DERA: variants seen among roughly 807,000 people sequenced by gnomAD.
DERA encodes 2-deoxy-D-ribose 5-phosphate aldolase.
In DERA, 15 loss-of-function variants were observed where a neutral mutation model predicts 41.1. The observed-to-expected ratio is 0.37, with a 90% CI of 0.24 to 0.56. The LOEUF (loss-of-function observed/expected upper bound fraction) is 0.56, where lower values mean the gene tolerates loss of function less well. Among genes scored for constraint, DERA ranks in the 20% least tolerant of loss-of-function variants. The pLI, the probability that DERA is intolerant of heterozygous loss-of-function variation, is 0.81. For synonymous variants in DERA, 139 were observed against 137.4 expected, an observed-to-expected ratio of 1.01 and a Z score of -0.08; for missense variants, 396 against 403.4, an observed-to-expected ratio of 0.98 and a Z score of 0.16.
Position 16,001,952 on chromosome 12 carries a change from AC to A in DERA, c.637+19518del. On this transcript the variant is annotated intron_variant, in intron 6 of 8. Transcript: ENST00000428559. The surrounding 1 kb of genome is among the most constrained non-coding windows in gnomAD (Gnocchi z 4.1). ...ATCAAGTAAAGTTAGGATAATGATT[AC>A]CAGGCACTTTGTAACAGCAAGGTTA... Among the ~76,000 whole-genome samples the A allele has an allele frequency of 6.6e-6, 1 of 152,224 alleles. No individual in the cohort carries two copies. The highest frequency in any genetic ancestry group is 1.9e-4 in the East Asian group (1 of 5,200).
intron 1 of DERA, chr12:15,956,462 AG>A (rs1420771085): frequency 3.7e-5 from 10 of 266,900 alleles, no homozygotes; most frequent in African/African-American, 2.2e-4. Flanking sequence ...AGCATGCAGT[AG>A]GTATTAATCT....
In DERA at chr12:15,966,018, T is replaced by G. The variant is rs7956583; in HGVS notation, c.508+3071T>G. ...TTTCTTAGCCATTTATGAAAGAACCTACATGCTGGCTTTCCTTTTCCTTCA... is the reference window on the plus strand; with the variant it reads ...TTTCTTAGCCATTTATGAAAGAACCGACATGCTGGCTTTCCTTTTCCTTCA... On this transcript the variant is annotated intron_variant, in intron 5 of 8. Transcript: ENST00000428559. This position sits in a 1 kb window ranked among gnomAD's most constrained non-coding sequence, Gnocchi z 5.1. Among the ~76,000 whole-genome samples the G allele has an allele frequency of 6.6e-6, 1 of 152,210 alleles. No homozygotes were observed. Among genetic ancestry groups the G allele is most frequent in the East Asian group, 1.9e-4 (1 of 5,192 alleles).
chr12:15,968,493 T>A (rs1948638926), intron 5 of DERA, among the ~76,000 whole-genome samples: 1 of 152,150 alleles, frequency 6.6e-6, no homozygotes, highest in Non-Finnish European at 1.5e-5. Context: ...CACCCAGTCA[T>A]TGCTGGTGTC....
intron 6 of DERA, among the ~76,000 whole-genome samples, chr12:16,031,137 G>A (rs1268515736): frequency 6.6e-6 from 1 of 152,198 alleles, no homozygotes; most frequent in Non-Finnish European, 1.5e-5. Context: ...GGAATGTAAG[G>A]GGATGGAATT....
At position 15,977,947 on chromosome 12, in the gene DERA, T is replaced by C. The variant is rs190023792; in HGVS notation, c.509-4361T>C. Among the ~76,000 whole-genome samples the C allele has an allele frequency of 2.6e-3, 391 of 152,348 alleles. 3 individuals are homozygous for C. Among genetic ancestry groups the C allele is most frequent in the African/African-American group, 8.3e-3 (347 of 41,586 alleles). ...TTGGAAAGGGCATCTGTTGAACTTA[T>C]TGCTTCACTTGTAATTTCCTCTGTG... On this transcript the variant is annotated intron_variant, in intron 5 of 8. Transcript: ENST00000428559.
At chr12:15,950,007 C>T (rs1213668478) in intron 1 of DERA, among the ~76,000 whole-genome samples, 1 of 152,186 alleles carries the variant, frequency 6.6e-6, no homozygotes, top group African/African-American at 2.4e-5. Flanking sequence ...CTACTTTCCC[C>T]TGATTACACT....
rs1949014325 is a variant in DERA at position 16,021,044 on chromosome 12, A to T, written c.638-11498A>T. On this transcript the variant is annotated intron_variant, in intron 6 of 8. Coordinates refer to ENST00000428559, the MANE Select transcript of DERA (RefSeq NM_015954.4). The surrounding 1 kb of genome is among the most constrained non-coding windows in gnomAD (Gnocchi z 5.3). Reference sequence around the variant, plus strand: ...AATTTGCAGCCTTTCCCTGTGGTAGAGAAGGAATTCAAGCAGGCTGTGGAG... The same window carrying T: ...AATTTGCAGCCTTTCCCTGTGGTAGTGAAGGAATTCAAGCAGGCTGTGGAG... Among the ~76,000 whole-genome samples, 1 of 152,242 alleles carries T rather than the reference A, an allele frequency of 6.6e-6. No individual in the cohort carries two copies. The highest frequency in any genetic ancestry group is 6.5e-5 in the Admixed American group (1 of 15,290).
Position 15,921,449 on chromosome 12 carries a change from AC to A in DERA, c.31+10036del, listed in dbSNP as rs1948243863. On this transcript the variant is annotated intron_variant, in intron 1 of 8. Coordinates refer to ENST00000428559, the MANE Select transcript of DERA (RefSeq NM_015954.4). The surrounding 1 kb of genome is among the most constrained non-coding windows in gnomAD (Gnocchi z 5.3). ...TCCGTTAATTTTCTGGTAGAAAAAA[AC>A]ATATTCATGTTTCCTTGAGATTATG... 6.6e-6 allele frequency among the ~76,000 whole-genome samples: 1 copy of A among 152,222 alleles called. No individual in the cohort carries two copies. Among genetic ancestry groups the A allele is most frequent in the African/African-American group, 2.4e-5 (1 of 41,448 alleles).
rs937510184 is a variant in DERA at position 15,940,454 on chromosome 12, C to T, written c.32-16482C>T. Reference sequence around the variant, plus strand: ...GCAACCTCCACCTCCCGGGTTCAAACGATTCTTCTGCCTCAGCCTCTCGAG... The same window carrying T: ...GCAACCTCCACCTCCCGGGTTCAAATGATTCTTCTGCCTCAGCCTCTCGAG... On this transcript the variant is annotated intron_variant, in intron 1 of 8. Coordinates refer to ENST00000428559, the MANE Select transcript of DERA (RefSeq NM_015954.4). The surrounding 1 kb of genome is among the most constrained non-coding windows in gnomAD (Gnocchi z 5.1). Among the ~76,000 whole-genome samples the T allele has an allele frequency of 5.0e-4, 76 of 152,194 alleles. No individual in the cohort carries two copies. Among genetic ancestry groups the T allele is most frequent in the African/African-American group, 1.7e-3 (70 of 41,518 alleles).
rs1948217672 is a variant in DERA at position 15,918,514 on chromosome 12, G to A, written c.31+7100G>A. Among the ~76,000 whole-genome samples the A allele has an allele frequency of 6.6e-6, 1 of 152,134 alleles. No individual in the cohort carries two copies. Among genetic ancestry groups the A allele is most frequent in the South Asian group, 2.1e-4 (1 of 4,826 alleles). ...TCAGTGCCCCACCCCAACGGTTTAGGACAATCGTTTGGGAAGGGGAAGGGG... is the reference window on the plus strand; with the variant it reads ...TCAGTGCCCCACCCCAACGGTTTAGAACAATCGTTTGGGAAGGGGAAGGGG... On this transcript the variant is annotated intron_variant, in intron 1 of 8. Transcript: ENST00000428559. This position sits in a 1 kb window ranked among gnomAD's most constrained non-coding sequence, Gnocchi z 4.3.
In DERA at chr12:15,957,282, A is replaced by T. The variant is rs748027054; in HGVS notation, c.129+249A>T. ...AAATGAATTTGAGGCATCTTTATTC[A>T]TGAGTGAATTAAATGGCATATTTTC... On this transcript the variant is annotated intron_variant, in intron 2 of 8. Coordinates refer to ENST00000428559, the MANE Select transcript of DERA (RefSeq NM_015954.4). The surrounding 1 kb of genome is among the most constrained non-coding windows in gnomAD (Gnocchi z 4.8). 5.3e-5 allele frequency among the ~76,000 whole-genome samples: 8 copies of T among 152,340 alleles called. No individual in the cohort carries two copies. The highest frequency in any genetic ancestry group is 2.1e-4 in the South Asian group (1 of 4,828).
At chr12:15,977,823 A>T (rs761522247) in intron 5 of DERA, among the ~76,000 whole-genome samples, 14 of 152,370 alleles carry the variant, frequency 9.2e-5, no homozygotes, top group African/African-American at 2.9e-4. Flanking sequence ...GGATGGTTAA[A>T]TAGCGTGTGG....
Position 16,011,465 on chromosome 12 carries a change from T to C in DERA, c.638-21077T>C, listed in dbSNP as rs1257175846. Among the ~76,000 whole-genome samples, 4 of 152,172 alleles carry C rather than the reference T, an allele frequency of 2.6e-5. No individual in the cohort carries two copies. Among genetic ancestry groups the C allele is most frequent in the Non-Finnish European group, 4.4e-5 (3 of 68,024 alleles). On this transcript the variant is annotated intron_variant, in intron 6 of 8. Coordinates refer to ENST00000428559, the MANE Select transcript of DERA (RefSeq NM_015954.4). This position sits in a 1 kb window ranked among gnomAD's most constrained non-coding sequence, Gnocchi z 4.7. ...CTCCAGTGATCATTTCTTTTGAGTA[T>C]TGTATCAACGGAGTTTCGATTTTGG...
intron 6 of DERA, among the ~76,000 whole-genome samples, chr12:16,023,520 C>T (rs1949032313): frequency 6.8e-6 from 1 of 145,994 alleles, no homozygotes; most frequent in South Asian, 2.2e-4. Context: ...CTCTGTCACC[C>T]AGGCTGGAGT....
chr12:16,008,616 A>T lies in DERA; in HGVS notation c.638-23926A>T, dbSNP rs1422967770. Reference sequence around the variant, plus strand: ...GCTAGGATTGAGTGTGGCCACAGATAGCACGGAACATGATAACGGTGGCTT... The same window carrying T: ...GCTAGGATTGAGTGTGGCCACAGATTGCACGGAACATGATAACGGTGGCTT... On this transcript the variant is annotated intron_variant, in intron 6 of 8. Coordinates refer to ENST00000428559, the MANE Select transcript of DERA (RefSeq NM_015954.4). The surrounding 1 kb of genome is among the most constrained non-coding windows in gnomAD (Gnocchi z 4.8). Among the ~76,000 whole-genome samples, 1 of 152,246 alleles carries T rather than the reference A, an allele frequency of 6.6e-6. No individual in the cohort carries two copies. Among genetic ancestry groups the T allele is most frequent in the Non-Finnish European group, 1.5e-5 (1 of 68,048 alleles).
chr12:16,010,868 TA>T lies in DERA; in HGVS notation c.638-21669del, dbSNP rs1948942711. Among the ~76,000 whole-genome samples, 1 of 152,126 alleles carries T rather than the reference TA, an allele frequency of 6.6e-6. No individual in the cohort carries two copies. Among genetic ancestry groups the T allele is most frequent in the Non-Finnish European group, 1.5e-5 (1 of 68,030 alleles). On this transcript the variant is annotated intron_variant, in intron 6 of 8. Coordinates refer to ENST00000428559, the MANE Select transcript of DERA (RefSeq NM_015954.4). The surrounding 1 kb of genome is among the most constrained non-coding windows in gnomAD (Gnocchi z 5.5). ...TTCTTTTATGAAAGACAGGTCACTG[TA>T]AAAAGAAACTCTACCCACTTATCAT...
Position 15,928,717 on chromosome 12 carries a change from A to G in DERA, c.31+17303A>G, listed in dbSNP as rs1360973906. On this transcript the variant is annotated intron_variant, in intron 1 of 8. Transcript: ENST00000428559. This position sits in a 1 kb window ranked among gnomAD's most constrained non-coding sequence, Gnocchi z 4.6. ...AAGAATAGAAAATTCGGCTCTCACT[A>G]AAGTGTGAAAGCCTATTGGTGTAAA... 1.3e-5 allele frequency among the ~76,000 whole-genome samples: 2 copies of G among 152,226 alleles called. No individual in the cohort carries two copies. The highest frequency in any genetic ancestry group is 2.1e-4 in the South Asian group (1 of 4,834).
At chr12:16,015,543 A>C (rs1434339333) in intron 6 of DERA, among the ~76,000 whole-genome samples, 2 of 152,224 alleles carry the variant, frequency 1.3e-5, no homozygotes, top group Non-Finnish European at 2.9e-5. Context: ...ACTGTGAGTC[A>C]ATTAACACCC....
Position 15,959,760 on chromosome 12 carries a change from A to G in DERA, c.278-69A>G. ...TTTTTGCCAGTGTTGCGATATAAAT[A>G]ATAATTAAAAGCATGTTGTATGAGT... On this transcript the variant is annotated intron_variant, in intron 3 of 8. Transcript: ENST00000428559. The surrounding 1 kb of genome is among the most constrained non-coding windows in gnomAD (Gnocchi z 4.5). 1 of 1,071,536 alleles carries G rather than the reference A, an allele frequency of 9.3e-7. No individual in the cohort carries two copies. Among genetic ancestry groups the G allele is most frequent in the Non-Finnish European group, 1.4e-6 (1 of 735,468 alleles). The allele number at this position is 1,071,536 out of a possible 1,614,324, so 66.4% of individuals were successfully genotyped here. A position where few individuals can be genotyped will look rare whatever the true frequency, so the allele number is the denominator to read the frequency against.
Sources: gnomAD v4.1 joint callset for allele counts (sites outside exome capture counted in the v4.1 genomes callset) on GRCh38, gnomAD v4.1.1 for gene constraint, Gnocchi (gnomAD v3.1) non-coding constraint, MANE v1.5 for transcripts, NCBI Gene and HGNC (gene_info 2026-07-23, HGNC 2026-07-21) for gene names.